The following ADAMTSL3 variants were observed in gnomAD, a reference collection of about 807,000 sequenced individuals.
ADAMTSL3 encodes ADAMTS-like protein 3.
Under a neutral mutation model 201.7 loss-of-function variants are expected in ADAMTSL3, and 128 were observed. That is an observed-to-expected ratio of 0.63 (90% confidence interval 0.55 to 0.73). The LOEUF (loss-of-function observed/expected upper bound fraction) is 0.73. Ranked by LOEUF, ADAMTSL3 falls within the 30% of genes least tolerant of loss-of-function variation. The probability of loss-of-function intolerance (pLI) is 0.00; values close to 1 mark genes in which losing one functional copy is unlikely to be tolerated. For missense variants in ADAMTSL3, 1,990 were observed against 2,119.6 expected (o/e 0.94, Z 1.20); for synonymous variants, 738 against 748.4 (o/e 0.99, Z 0.23).
intron 3 of ADAMTSL3, among the ~76,000 whole-genome samples, chr15:83,730,085 G>C (rs1227202273): frequency 6.6e-6 from 1 of 152,046 alleles, no homozygotes; most frequent in Non-Finnish European, 1.5e-5. Flanking sequence ...ATCTCAGTTT[G>C]AAAAAGACCA....
At chr15:83,714,132 C>T (rs1015032911) in intron 3 of ADAMTSL3, among the ~76,000 whole-genome samples, 1 of 152,148 alleles carries the variant, frequency 6.6e-6, no homozygotes, top group African/African-American at 2.4e-5. Flanking sequence ...TTTGTGTAAA[C>T]CTTTTTAGGG....
intron 27 of ADAMTSL3, among the ~76,000 whole-genome samples, chr15:84,029,492 A>C (rs1195450093): frequency 6.6e-6 from 1 of 152,234 alleles, no homozygotes; most frequent in Non-Finnish European, 1.5e-5. Context: ...AAAGCATTCA[A>C]GAGGTGACTT....
At chr15:83,759,591 T>C (rs913649044) in intron 3 of ADAMTSL3, among the ~76,000 whole-genome samples, 3 of 152,164 alleles carry the variant, frequency 2.0e-5, no homozygotes, top group African/African-American at 4.8e-5. Flanking sequence ...GGTTGGGTTC[T>C]AAGAAGAAGA....
At chr15:83,687,774 A>G (rs1454671585) in intron 2 of ADAMTSL3, among the ~76,000 whole-genome samples, 2 of 152,222 alleles carry the variant, frequency 1.3e-5, no homozygotes, top group Admixed American at 6.5e-5. Flanking sequence ...ATAACAGGCC[A>G]TATATCCAGA....
chr15:83,711,054 GT>G (rs1201396627), intron 3 of ADAMTSL3, among the ~76,000 whole-genome samples: 1 of 152,130 alleles, frequency 6.6e-6, no homozygotes, highest in East Asian at 1.9e-4. Flanking sequence ...AGTCTGTGTA[GT>G]CTTATTTCTA....
intron 4 of ADAMTSL3, among the ~76,000 whole-genome samples, chr15:83,777,573 C>T (rs1286489387): frequency 2.6e-5 from 4 of 151,972 alleles, no homozygotes; most frequent in African/African-American, 9.7e-5. Context: ...AGAATCAAGC[C>T]CTCAAGGTCA....
intron 4 of ADAMTSL3, among the ~76,000 whole-genome samples, chr15:83,783,151 A>T (rs2063204131): frequency 6.6e-6 from 1 of 151,402 alleles, no homozygotes; most frequent in African/African-American, 2.4e-5. Flanking sequence ...AAAGTGTTCA[A>T]ATGTCCTTGA....
In ADAMTSL3 at chr15:83,765,228, C is replaced by T. The variant is rs59893008; in HGVS notation, c.190-8295C>T. 2.0e-3 allele frequency among the ~76,000 whole-genome samples: 312 copies of T among 152,248 alleles called. 1 individual carries two copies. Among genetic ancestry groups the T allele is most frequent in the African/African-American group, 7.1e-3 (297 of 41,542 alleles). The stretch of plus-strand genomic sequence containing the variant: ...TTGAGTGACATTTTTATGCCGTTCA[C>T]CCAATTCATATTTTAAAATTTCTTT... On this transcript the variant is annotated intron_variant, in intron 3 of 29. Coordinates refer to ENST00000286744, the MANE Select transcript of ADAMTSL3 (RefSeq NM_207517.3).
At chr15:83,661,047 C>T (rs1179015532) in intron 2 of ADAMTSL3, among the ~76,000 whole-genome samples, 3 of 144,380 alleles carry the variant, frequency 2.1e-5, no homozygotes, top group African/African-American at 7.7e-5. Flanking sequence ...GAATCCTTTC[C>T]CCATTGCTTG....
chr15:83,855,024 C>T (rs1567191753), intron 7 of ADAMTSL3, among the ~76,000 whole-genome samples: 1 of 151,920 alleles, frequency 6.6e-6, no homozygotes, highest in Non-Finnish European at 1.5e-5. Flanking sequence ...TTTTAGTGGA[C>T]TTTGTGTGTG....
chr15:83,794,756 A>C (rs573915718), intron 4 of ADAMTSL3, among the ~76,000 whole-genome samples: 1 of 152,118 alleles, frequency 6.6e-6, no homozygotes, highest in Non-Finnish European at 1.5e-5. Context: ...TCAGTCTCCT[A>C]GTTGTATTCT....
chr15:84,025,643 G>A (rs1390373402), intron 27 of ADAMTSL3: 5 of 512,524 alleles, frequency 9.8e-6, no homozygotes, highest in Non-Finnish European at 1.4e-5. Flanking sequence ...AACCAAGTTT[G>A]GGTTCTTTGA....
intron 6 of ADAMTSL3, among the ~76,000 whole-genome samples, chr15:83,837,552 A>C (rs373759521): frequency 6.6e-6 from 1 of 152,110 alleles, no homozygotes; most frequent in Non-Finnish European, 1.5e-5. Context: ...AGGCCAAGGC[A>C]GGAGGATCAC....
At chr15:83,695,651 T>C (rs1567078797) in intron 2 of ADAMTSL3, among the ~76,000 whole-genome samples, 1 of 152,194 alleles carries the variant, frequency 6.6e-6, no homozygotes, top group South Asian at 2.1e-4. Flanking sequence ...ATATAATTAA[T>C]TGATGGTAAA....
At chr15:83,701,825 G>C (rs989854892) in intron 2 of ADAMTSL3, among the ~76,000 whole-genome samples, 155 of 152,278 alleles carry the variant, frequency 1.0e-3, no homozygotes, top group African/African-American at 3.4e-3. Context: ...GACTAATTCA[G>C]TAAATTGGCA....
chr15:83,913,063 T>C (rs559874297), intron 15 of ADAMTSL3, 29 bp from the exon 16 acceptor site: 10 of 1,606,698 alleles, frequency 6.2e-6, no homozygotes, highest in East Asian at 2.2e-5. Context: ...CTCAGTGTCC[T>C]TTTCTGGTGG....
intron 7 of ADAMTSL3, among the ~76,000 whole-genome samples, chr15:83,841,970 C>T (rs1017709526): frequency 2.6e-5 from 4 of 151,632 alleles, no homozygotes; most frequent in East Asian, 4.1e-4. Flanking sequence ...TGGCCGAGGG[C>T]GGACGGACGA....
intron 17 of ADAMTSL3, among the ~76,000 whole-genome samples, chr15:83,924,774 C>A (rs994802311): frequency 2.6e-5 from 4 of 152,176 alleles, no homozygotes; most frequent in Admixed American, 2.6e-4. Context: ...AGCCCCCAGT[C>A]TTTTCCTTTC....
At chr15:83,657,136 C>G (rs772414924) in intron 2 of ADAMTSL3, among the ~76,000 whole-genome samples, 2 of 152,240 alleles carry the variant, frequency 1.3e-5, no homozygotes, top group Non-Finnish European at 2.9e-5. Context: ...ACTTACGTTT[C>G]TGTCTCATCA....
Sources: allele counts gnomAD v4.1 joint callset (sites outside exome capture counted in the v4.1 genomes callset), GRCh38; gene constraint gnomAD v4.1.1; transcripts MANE v1.5; gene names NCBI Gene and HGNC (gene_info 2026-07-23, HGNC 2026-07-21).